PABPC4L: variants seen among roughly 807,000 people sequenced by gnomAD.
PABPC4L encodes the protein polyadenylate-binding protein 4-like.
For synonymous variants in PABPC4L, 169 were observed against 164.1 expected, an observed-to-expected ratio of 1.03 and a Z score of -0.23; for missense variants, 452 against 451.4, an observed-to-expected ratio of 1.00 and a Z score of -0.01.
chr4:134,049,926 C>T, the PABPC4L span, among the ~76,000 whole-genome samples: 1 of 152,106 alleles, frequency 6.6e-6, no homozygotes, highest in South Asian at 2.1e-4. Flanking sequence ...GCAGAGAAGT[C>T]ACCCTAGTAT....
At chr4:134,158,469 C>G in the PABPC4L span, among the ~76,000 whole-genome samples, 1 of 152,034 alleles carries the variant, frequency 6.6e-6, no homozygotes, top group Non-Finnish European at 1.5e-5. Context: ...TCTACCTTTA[C>G]ACTAGAAGGT....
At chr4:134,051,760 T>C in the PABPC4L span, among the ~76,000 whole-genome samples, 7 of 152,092 alleles carry the variant, frequency 4.6e-5, no homozygotes, top group Non-Finnish European at 1.0e-4. Context: ...CTCTCTAGAA[T>C]AAAGGAAATA....
the PABPC4L span, among the ~76,000 whole-genome samples, chr4:134,044,799 T>C: frequency 6.6e-6 from 1 of 152,214 alleles, no homozygotes; most frequent in Non-Finnish European, 1.5e-5. Flanking sequence ...TTATGAATTT[T>C]ATATTTAATG....
the PABPC4L span, among the ~76,000 whole-genome samples, chr4:134,095,050 T>C: frequency 6.6e-6 from 1 of 151,842 alleles, no homozygotes; most frequent in Non-Finnish European, 1.5e-5. Context: ...TTATAGTTTA[T>C]TATTTCAAGG....
chr4:134,170,907 C>T, the PABPC4L span, among the ~76,000 whole-genome samples: 3 of 152,160 alleles, frequency 2.0e-5, no homozygotes, highest in Non-Finnish European at 4.4e-5. Flanking sequence ...GAGATATCAC[C>T]ACACTGCTTT....
chr4:134,057,835 G>A, the PABPC4L span, among the ~76,000 whole-genome samples: 1 of 152,070 alleles, frequency 6.6e-6, no homozygotes, highest in Admixed American at 6.6e-5. Flanking sequence ...CAGTCTTCTA[G>A]TGCTTATTTT....
the PABPC4L span, among the ~76,000 whole-genome samples, chr4:133,953,692 G>A: frequency 6.6e-6 from 1 of 151,942 alleles, no homozygotes; most frequent in Non-Finnish European, 1.5e-5. Flanking sequence ...CCAATTCCTG[G>A]GGTCATTATT....
the PABPC4L span, among the ~76,000 whole-genome samples, chr4:134,063,360 C>T: frequency 6.6e-6 from 1 of 151,968 alleles, no homozygotes; most frequent in Non-Finnish European, 1.5e-5. Context: ...CTCTTGAACT[C>T]TCAGTTCTCT....
the PABPC4L span, among the ~76,000 whole-genome samples, chr4:134,024,831 A>G: frequency 2.1e-5 from 3 of 144,984 alleles, no homozygotes; most frequent in Non-Finnish European, 4.5e-5. Flanking sequence ...TTTTTTGGAG[A>G]CAGAATCTTG....
At chr4:134,024,852 C>T in the PABPC4L span, among the ~76,000 whole-genome samples, 1 of 144,138 alleles carries the variant, frequency 6.9e-6, no homozygotes, top group African/African-American at 2.6e-5. Context: ...CCATTGCAGA[C>T]TTGAACTCCT....
chr4:134,027,094 T>G, the PABPC4L span, among the ~76,000 whole-genome samples: 2 of 152,194 alleles, frequency 1.3e-5, no homozygotes, highest in African/African-American at 4.8e-5. Context: ...ATGTACTTAT[T>G]TATTTGATGA....
the PABPC4L span, among the ~76,000 whole-genome samples, chr4:134,163,358 A>G: frequency 6.6e-6 from 1 of 152,172 alleles, no homozygotes; most frequent in Non-Finnish European, 1.5e-5. Flanking sequence ...AGACTGAATC[A>G]GTAATGAAAA....
the PABPC4L span, among the ~76,000 whole-genome samples, chr4:134,029,611 A>G: frequency 2.0e-5 from 3 of 151,912 alleles, no homozygotes; most frequent in African/African-American, 7.2e-5. Flanking sequence ...TAATAATATA[A>G]AATTCATTAT....
At chr4:134,004,633 T>C in the PABPC4L span, among the ~76,000 whole-genome samples, 1 of 151,874 alleles carries the variant, frequency 6.6e-6, no homozygotes, top group Non-Finnish European at 1.5e-5. Flanking sequence ...GTAAATGAAA[T>C]CAGTATGTTG....
the PABPC4L span, among the ~76,000 whole-genome samples, chr4:133,996,499 G>C: frequency 2.0e-5 from 3 of 152,106 alleles, no homozygotes. Flanking sequence ...GATAACTGTT[G>C]TCCCATGATG....
At chr4:133,989,004 T>G in the PABPC4L span, among the ~76,000 whole-genome samples, 1 of 152,124 alleles carries the variant, frequency 6.6e-6, no homozygotes, top group Non-Finnish European at 1.5e-5. Context: ...GAGTTGACCT[T>G]GGACCCTTTT....
the PABPC4L span, among the ~76,000 whole-genome samples, chr4:134,085,774 T>C: frequency 6.6e-6 from 1 of 152,184 alleles, no homozygotes. Context: ...TACCACTCTG[T>C]TGTATGTATA....
At chr4:134,072,047 T>C in the PABPC4L span, among the ~76,000 whole-genome samples, 2,557 of 152,110 alleles carry the variant, frequency 0.017, 79 homozygotes, top group Admixed American at 0.077. Flanking sequence ...CATAATTCAA[T>C]AGAACATTGT....
chr4:134,122,833 A>G, the PABPC4L span, among the ~76,000 whole-genome samples: 1 of 151,648 alleles, frequency 6.6e-6, no homozygotes, highest in Admixed American at 6.6e-5. Flanking sequence ...TGATGATTTT[A>G]TTGTCTTCTT....
Sources: gnomAD v4.1 joint callset for allele counts (sites outside exome capture counted in the v4.1 genomes callset) on GRCh38, gnomAD v4.1.1 for gene constraint, MANE v1.5 for transcripts, NCBI Gene and HGNC (gene_info 2026-07-23, HGNC 2026-07-21) for gene names.